MYO10: variants seen among roughly 807,000 people sequenced by gnomAD.
The protein encoded by MYO10 is unconventional myosin-X.
Under a neutral mutation model 257.3 loss-of-function variants are expected in MYO10, and 133 were observed. The observed-to-expected ratio is 0.52, with a 90% CI of 0.45 to 0.60. The LOEUF (loss-of-function observed/expected upper bound fraction) is 0.60, where lower values mean the gene tolerates loss of function less well. Ranked by LOEUF, MYO10 falls within the 20% of genes least tolerant of loss-of-function variation. The pLI, the probability that MYO10 is intolerant of heterozygous loss-of-function variation, is 0.00. For synonymous variants in MYO10, 1,104 were observed against 1,028.6 expected (o/e 1.07, Z -1.40); for missense variants, 2,399 against 2,635.7 (o/e 0.91, Z 1.97).
intron 2 of MYO10, among the ~76,000 whole-genome samples, chr5:16,824,959 ATAT>A (rs1742957327): frequency 6.6e-6 from 1 of 152,184 alleles, no homozygotes; most frequent in African/African-American, 2.4e-5. Flanking sequence ...CAGCATGACA[ATAT>A]TATGTCATAT....
chr5:16,873,975 G>C (rs892961550), intron 2 of MYO10, among the ~76,000 whole-genome samples: 62 of 151,974 alleles, frequency 4.1e-4, no homozygotes, highest in African/African-American at 1.5e-3. Context: ...ATGGTCTTAG[G>C]GATTAACATT....
At chr5:16,860,771 G>C (rs941751479) in intron 2 of MYO10, among the ~76,000 whole-genome samples, 1 of 152,058 alleles carries the variant, frequency 6.6e-6, no homozygotes, top group African/African-American at 2.4e-5. Context: ...TGGAGGGGTG[G>C]ATGGACGGAT....
intron 28 of MYO10, 138 bp downstream of exon 28, chr5:16,689,686 G>C: frequency 1.5e-6 from 1 of 661,556 alleles, no homozygotes; most frequent in East Asian, 2.7e-5. Context: ...CATCAATCTC[G>C]TATGACTCTT....
intron 1 of MYO10, among the ~76,000 whole-genome samples, chr5:16,933,586 C>T (rs951693912): frequency 6.6e-6 from 1 of 152,248 alleles, no homozygotes; most frequent in Admixed American, 6.5e-5. Flanking sequence ...AACAATTTAG[C>T]TGTCCTTGGG....
Position 16,931,976 on chromosome 5 carries a change from G to A in MYO10, c.21+3812C>T, listed in dbSNP as rs10043385. On this transcript the variant is annotated intron_variant, in intron 1 of 40. Transcript: ENST00000513610. Reference sequence around the variant, plus strand: ...CTTGGGAACTCTACTCACTTAAAAAGCTATTTGAACAACTCCAGATAACCA... The same window carrying A: ...CTTGGGAACTCTACTCACTTAAAAAACTATTTGAACAACTCCAGATAACCA... Among the ~76,000 whole-genome samples the A allele has an allele frequency of 5.7e-3, 865 of 152,272 alleles. 9 individuals are homozygous for A. The highest frequency in any genetic ancestry group is 0.02 in the African/African-American group (819 of 41,540).
chr5:16,811,418 A>G (rs954292596), intron 3 of MYO10, among the ~76,000 whole-genome samples: 1 of 152,198 alleles, frequency 6.6e-6, no homozygotes, highest in Non-Finnish European at 1.5e-5. Context: ...ATTTCTGCAC[A>G]TTCCCCAGCC....
chr5:16,820,238 A>G (rs1265430963), intron 2 of MYO10, among the ~76,000 whole-genome samples: 1 of 152,246 alleles, frequency 6.6e-6, no homozygotes, highest in East Asian at 1.9e-4. Context: ...CCTTGGGGCA[A>G]CCTAGAAATT....
chr5:16,848,225 C>A (rs1377480939), intron 2 of MYO10, among the ~76,000 whole-genome samples: 1 of 140,864 alleles, frequency 7.1e-6, no homozygotes, highest in African/African-American at 2.8e-5. Flanking sequence ...GTGGCACAAT[C>A]TTGGCTCACT....
intron 19 of MYO10, among the ~76,000 whole-genome samples, chr5:16,727,205 A>G (rs928020757): frequency 1.3e-5 from 2 of 152,140 alleles, no homozygotes; most frequent in Non-Finnish European, 2.9e-5. Flanking sequence ...ATTTTTTTTT[A>G]CACTTCTAAA....
rs1445524671 is a variant in MYO10, at chr5:16,936,113, G to A, written c.-305C>T. On this transcript the variant is annotated 5_prime_UTR_variant, in exon 1 of 41. Coordinates refer to ENST00000513610, the MANE Select transcript of MYO10 (RefSeq NM_012334.3). ...TGGCACATTCTTCCCCCAGGCGGGG[G>A]AAGGCGGCGGGGTGCTGGCGAGCGC... 2 of 422,876 alleles carry A rather than the reference G, an allele frequency of 4.7e-6. No homozygotes were observed. Among genetic ancestry groups the A allele is most frequent in the Non-Finnish European group, 4.3e-6 (1 of 235,120 alleles). The allele number at this position is 422,876 out of a possible 1,614,324, so 26.2% of individuals were successfully genotyped here.
intron 2 of MYO10, among the ~76,000 whole-genome samples, chr5:16,866,014 AACACACACACACACACACACAC>A (rs34718010): frequency 1.5e-4 from 20 of 136,484 alleles, no homozygotes; most frequent in Non-Finnish European, 2.8e-4. Context: ...TATTTACCCA[AACACACACACACACACACACAC>A]ACACACACAC....
intron 1 of MYO10, among the ~76,000 whole-genome samples, chr5:16,924,898 T>C (rs868111646): frequency 4.0e-5 from 6 of 150,068 alleles, no homozygotes; most frequent in Non-Finnish European, 5.9e-5. Flanking sequence ...TGGCACGATC[T>C]CTGCTCACTG....
intron 1 of MYO10, among the ~76,000 whole-genome samples, chr5:16,878,100 C>T (rs1744656751): frequency 6.6e-6 from 1 of 152,168 alleles, no homozygotes; most frequent in African/African-American, 2.4e-5. Flanking sequence ...TGAGCGAGTG[C>T]ATGACAGGCA....
At chr5:16,757,474 G>GA (rs1228979628) in intron 18 of MYO10, among the ~76,000 whole-genome samples, 1 of 152,006 alleles carries the variant, frequency 6.6e-6, no homozygotes, top group African/African-American at 2.4e-5. Context: ...TAACCAGGGG[G>GA]AAAAAACATC....
rs1737225469 is a variant in MYO10 at position 16,685,766 on chromosome 5, T to A, written c.3962A>T (p.Asp1321Val). ...AGCATTCTGTGGGTTTGCCTGCTCA[T>A]CATGCATCTCCTGGATCTCCTGGTC... The part of the protein sequence containing the change: ...STDQEIQEMH[D>V]EQANPQNAVG... The change falls in exon 29 of 41, where the codon GAT becomes GTT. Residue 1321 changes from aspartate to valine, a missense_variant. Asp to Val is a radical substitution (Grantham distance 152). Coordinates refer to ENST00000513610, the MANE Select transcript of MYO10 (RefSeq NM_012334.3). 6.9e-7 allele frequency: 1 copy of A among 1,446,088 alleles called. No homozygotes were observed. The highest frequency in any genetic ancestry group is 3.2e-5 in the East Asian group (1 of 31,592). 89.6% of individuals were successfully genotyped at this position (1,446,088 alleles called of 1,614,324 possible). A position where few individuals can be genotyped will look rare whatever the true frequency, so the allele number is the denominator to read the frequency against.
At chr5:16,798,245 A>G (rs1032450805) in intron 3 of MYO10, among the ~76,000 whole-genome samples, 3 of 152,212 alleles carry the variant, frequency 2.0e-5, no homozygotes, top group Non-Finnish European at 2.9e-5. Flanking sequence ...AGCAGAAAGC[A>G]TACTGAAACA....
chr5:16,701,018 C>A lies in MYO10; in HGVS notation c.3377G>T (p.Gly1126Val). ...GTAGGCACCCGAGCTGTTGTAGGTC[C>A]CCACAGAGCAGCGGTAGTCGGGGGA... Reference protein sequence around the residue: ...QWSPDYRCSVGTYNSSGAYRF... With the variant: ...QWSPDYRCSVVTYNSSGAYRF... Residue 1126 changes from glycine (G) to valine (V), a missense_variant, in exon 25 of 41, where the codon GGG becomes GTG. Around this residue, in one of 3 missense-constraint regions of MYO10, gnomAD observed 1,820 missense variants for 1,939.4 expected, o/e 0.94. Coordinates refer to ENST00000513610, the MANE Select transcript of MYO10 (RefSeq NM_012334.3). This position sits in a 1 kb window ranked among gnomAD's most constrained non-coding sequence, Gnocchi z 8.1. 6.4e-7 allele frequency: 1 copy of A among 1,562,324 alleles called. No homozygotes were observed.
At chr5:16,832,575 G>A (rs1382826082) in intron 2 of MYO10, among the ~76,000 whole-genome samples, 1 of 152,094 alleles carries the variant, frequency 6.6e-6, no homozygotes, top group Non-Finnish European at 1.5e-5. Flanking sequence ...TTGGCTGCTT[G>A]CTCCTCAACT....
At chr5:16,927,376 G>A (rs778798737) in intron 1 of MYO10, among the ~76,000 whole-genome samples, 9 of 152,150 alleles carry the variant, frequency 5.9e-5, no homozygotes, top group Non-Finnish European at 1.3e-4. Context: ...CCAGGCTGGA[G>A]TGCAGTGGCA....
Sources: gnomAD v4.1 joint callset for allele counts (sites outside exome capture counted in the v4.1 genomes callset) on GRCh38, gnomAD v4.1.1 for gene constraint, gnomAD v4.1.1 regional missense constraint, Gnocchi (gnomAD v3.1) non-coding constraint, MANE v1.5 for transcripts, NCBI Gene and HGNC (gene_info 2026-07-23, HGNC 2026-07-21) for gene names.